Variants in MDGA2 observed in about 807,000 individuals in gnomAD.
MDGA2 encodes MAM domain-containing glycosylphosphatidylinositol anchor protein 2.
Under a neutral mutation model 117.8 loss-of-function variants are expected in MDGA2, and 40 were observed. The observed-to-expected ratio is 0.34, with a 90% confidence interval of 0.26 to 0.44. The LOEUF is 0.44. MDGA2 is among the 20% of genes least tolerant of loss of function. MDGA2 has a pLI of 1.00. For synonymous variants in MDGA2, 452 were observed against 439.0 expected (o/e 1.03, Z -0.37); for missense variants, 1,123 against 1,250.6 (o/e 0.90, Z 1.54).
intron 8 of MDGA2, among the ~76,000 whole-genome samples, chr14:46,978,019 A>G (rs1028093761): frequency 5.3e-5 from 8 of 152,012 alleles, no homozygotes; most frequent in African/African-American, 1.7e-4. Flanking sequence ...TTTTTTTCAG[A>G]GTATCTTTAT....
chr14:47,495,397 T>A (rs987400609), intron 1 of MDGA2, among the ~76,000 whole-genome samples: 1 of 151,114 alleles, frequency 6.6e-6, no homozygotes, highest in African/African-American at 2.4e-5. Flanking sequence ...TCCACTTGTA[T>A]CCCTAAATCC....
At chr14:47,462,696 A>G (rs1487976677) in intron 1 of MDGA2, among the ~76,000 whole-genome samples, 2 of 152,224 alleles carry the variant, frequency 1.3e-5, no homozygotes, top group Non-Finnish European at 2.9e-5. Context: ...TCAATGTAGA[A>G]GTTTTGGAAA....
At chr14:47,404,238 T>C (rs1388141761) in intron 1 of MDGA2, among the ~76,000 whole-genome samples, 1 of 151,094 alleles carries the variant, frequency 6.6e-6, no homozygotes, top group Non-Finnish European at 1.5e-5. Context: ...CAGGCTGGAG[T>C]ACAGTGATGC....
chr14:47,062,808 T>A (rs775034082), intron 6 of MDGA2, among the ~76,000 whole-genome samples: 1 of 152,086 alleles, frequency 6.6e-6, no homozygotes, highest in Non-Finnish European at 1.5e-5. Context: ...CAGAATGAAC[T>A]AGAGATAAAT....
At chr14:47,460,955 T>C (rs946247304) in intron 1 of MDGA2, among the ~76,000 whole-genome samples, 1 of 152,238 alleles carries the variant, frequency 6.6e-6, no homozygotes, top group Non-Finnish European at 1.5e-5. Flanking sequence ...TAGATTGCTA[T>C]TTATTTCACA....
At chr14:47,063,692 T>C (rs914360908) in intron 6 of MDGA2, among the ~76,000 whole-genome samples, 1 of 152,054 alleles carries the variant, frequency 6.6e-6, no homozygotes, top group African/African-American at 2.4e-5. Context: ...ATTTTCTTTA[T>C]CCTGTTTTTA....
chr14:47,582,268 C>T (rs1896242601), intron 1 of MDGA2, among the ~76,000 whole-genome samples: 9 of 151,826 alleles, frequency 5.9e-5, no homozygotes, highest in Admixed American at 5.9e-4. Context: ...ACGGCCAGTC[C>T]TCCATAATAG....
intron 1 of MDGA2, among the ~76,000 whole-genome samples, chr14:47,459,624 T>G (rs1264148969): frequency 4.6e-5 from 7 of 151,462 alleles, no homozygotes; most frequent in Admixed American, 2.0e-4. Flanking sequence ...CAGGTGTGGG[T>G]TTTTTTTATT....
chr14:46,969,730 AC>A (rs980915843), intron 8 of MDGA2, among the ~76,000 whole-genome samples: 18 of 151,768 alleles, frequency 1.2e-4, no homozygotes, highest in Admixed American at 6.6e-4. Context: ...AGGGAATTGA[AC>A]AAGGAGAACA....
chr14:47,300,853 C>G (rs953039064), intron 2 of MDGA2, among the ~76,000 whole-genome samples: 7 of 152,052 alleles, frequency 4.6e-5, no homozygotes, highest in African/African-American at 7.2e-5. Context: ...ATTTTTATTG[C>G]TTCTATTAAA....
At chr14:46,886,330 G>T (rs753557989) in intron 10 of MDGA2, among the ~76,000 whole-genome samples, 1 of 151,928 alleles carries the variant, frequency 6.6e-6, no homozygotes, top group Non-Finnish European at 1.5e-5. Flanking sequence ...GCATGAAAAA[G>T]GAACCTATGC....
chr14:47,023,947 T>C (rs1330890760), intron 8 of MDGA2, among the ~76,000 whole-genome samples: 3 of 152,118 alleles, frequency 2.0e-5, no homozygotes, highest in South Asian at 4.2e-4. Flanking sequence ...GAAGAATAAA[T>C]AGCAGCCAAA....
At chr14:47,146,365 C>A (rs1279152280) in intron 3 of MDGA2, among the ~76,000 whole-genome samples, 5 of 152,144 alleles carry the variant, frequency 3.3e-5, no homozygotes, top group African/African-American at 4.8e-5. Context: ...TACAGAACAA[C>A]TGCTGCTTTT....
At chr14:47,179,260 A>G (rs1884602609) in intron 3 of MDGA2, among the ~76,000 whole-genome samples, 1 of 152,072 alleles carries the variant, frequency 6.6e-6, no homozygotes, top group South Asian at 2.1e-4. Flanking sequence ...TAAAGTTTTC[A>G]TATGTAATAA....
At chr14:47,593,943 C>T (rs974802204) in intron 1 of MDGA2, among the ~76,000 whole-genome samples, 31 of 152,080 alleles carry the variant, frequency 2.0e-4, no homozygotes, top group African/African-American at 7.2e-4. Flanking sequence ...AGGTTAGTTA[C>T]TGCAAATATT....
intron 1 of MDGA2, among the ~76,000 whole-genome samples, chr14:47,459,518 C>T (rs988449580): frequency 6.7e-6 from 1 of 149,084 alleles, no homozygotes; most frequent in South Asian, 2.1e-4. Flanking sequence ...CTCCGTCCCT[C>T]TCTTCCTCCC....
chr14:47,219,975 T>C (rs1286199030), intron 2 of MDGA2, among the ~76,000 whole-genome samples: 1 of 152,118 alleles, frequency 6.6e-6, no homozygotes, highest in African/African-American at 2.4e-5. Flanking sequence ...TTATACTTAA[T>C]TTACTTTACC....
chr14:46,875,640 C>G (rs982255085), intron 12 of MDGA2, among the ~76,000 whole-genome samples: 2 of 151,646 alleles, frequency 1.3e-5, no homozygotes, highest in Non-Finnish European at 3.0e-5. Context: ...AGCAGTGTAG[C>G]AGTGTATGCA....
chr14:46,900,217 G>A (rs745562721), intron 10 of MDGA2, among the ~76,000 whole-genome samples: 1 of 152,114 alleles, frequency 6.6e-6, no homozygotes, highest in Non-Finnish European at 1.5e-5. Context: ...GACAAATCCT[G>A]ATAAACATAT....
Sources: allele counts gnomAD v4.1 joint callset (sites outside exome capture counted in the v4.1 genomes callset), GRCh38; gene constraint gnomAD v4.1.1; transcripts MANE v1.5; gene names NCBI Gene and HGNC (gene_info 2026-07-23, HGNC 2026-07-21).